PCCA: variants seen among roughly 807,000 people sequenced by gnomAD.
PCCA encodes propionyl-CoA carboxylase subunit alpha.
Under a neutral mutation model 101.3 loss-of-function variants are expected in PCCA, and 74 were observed. The observed-to-expected ratio is 0.73, with a 90% CI of 0.61 to 0.89. PCCA has a LOEUF of 0.89. Among genes scored for constraint, PCCA ranks in the 40% least tolerant of loss-of-function variants. The pLI is 0.00. For missense variants in PCCA, 891 were observed against 907.0 expected, an observed-to-expected ratio of 0.98 and a Z score of 0.23; for synonymous variants, 294 against 313.6, an observed-to-expected ratio of 0.94 and a Z score of 0.66.
In PCCA at chr13:100,089,132, C is replaced by G. The variant is rs759257021; in HGVS notation, c.12C>G (p.Phe4Leu). The G allele has an allele frequency of 1.3e-6, 2 of 1,506,174 alleles. No individual in the cohort carries two copies. The highest frequency in any genetic ancestry group is 1.4e-5 in the African/African-American group (1 of 70,012). 93.3% of individuals were successfully genotyped at this position (1,506,174 alleles called of 1,614,324 possible). Residue 4 changes from phenylalanine to leucine, a missense_variant, in exon 1 of 24, where the codon TTC becomes TTG. By Grantham distance (22) the Phe-to-Leu change is conservative. Coordinates refer to ENST00000376285, the MANE Select transcript of PCCA (RefSeq NM_000282.4). ...CTGCGGGGACAACAATGGCGGGGTT[C>G]TGGGTCGGGACAGCACCGCTGGTCG... MAG[F>L]WVGTAPLVAA...
intron 22 of PCCA, among the ~76,000 whole-genome samples, chr13:100,524,185 G>A (rs956473513): frequency 6.6e-6 from 1 of 152,222 alleles, no homozygotes; most frequent in African/African-American, 2.4e-5. Flanking sequence ...GCATTTTGCT[G>A]TTGTTGGAAG....
chr13:100,222,707 T>C (rs1051186717), intron 7 of PCCA, among the ~76,000 whole-genome samples: 1 of 152,248 alleles, frequency 6.6e-6, no homozygotes, highest in African/African-American at 2.4e-5. Context: ...TGTTTAGTGT[T>C]CTTTAAAATT....
rs909635109 is a variant in PCCA at position 100,193,542 on chromosome 13, A to G, written c.469-15790A>G. Among the ~76,000 whole-genome samples, 3 of 152,192 alleles carry G rather than the reference A, an allele frequency of 2.0e-5. No individual in the cohort carries two copies. The South Asian group carries it at 6.2e-4, about 32-fold the overall frequency. On this transcript the variant is annotated intron_variant, in intron 6 of 23. Transcript: ENST00000376285. ...ATACAGTGCTTTTAAATAGTATGAA[A>G]TAAGTAAATAAATATTGTAGTTTTT... is the stretch of plus-strand genomic sequence containing the variant.
chr13:100,460,029 C>T lies in PCCA; in HGVS notation c.1899+10724C>T, dbSNP rs150559340. On this transcript the variant is annotated intron_variant, in intron 21 of 23. Transcript: ENST00000376285. ...ACTGTCACATTGAGGGTTAGGCATT[C>T]AGCATATGAATTTGGACGTTCAGTC... Among the ~76,000 whole-genome samples, 863 of 152,328 alleles carry T rather than the reference C, an allele frequency of 5.7e-3. 6 individuals are homozygous for T. Among genetic ancestry groups the T allele is most frequent in the African/African-American group, 0.019 (806 of 41,562 alleles).
intron 4 of PCCA, among the ~76,000 whole-genome samples, chr13:100,115,776 G>A (rs898257851): frequency 2.6e-5 from 4 of 152,216 alleles, no homozygotes; most frequent in African/African-American, 7.2e-5. Context: ...AGCAGATGTG[G>A]TAGTTTTACA....
At position 100,215,415 on chromosome 13, in the gene PCCA, T is replaced by C. The variant is rs149495116; in HGVS notation, c.600+5952T>C. On this transcript the variant is annotated intron_variant, in intron 7 of 23. Transcript: ENST00000376285. ...GAAACAGATGATAAATAATAAAACA[T>C]ATGTTCTATGTTGAAACATAAGAGA... Among the ~76,000 whole-genome samples, 139 of 152,280 alleles carry C rather than the reference T, an allele frequency of 9.1e-4. 1 individual carries two copies. The highest frequency in any genetic ancestry group is 3.3e-3 in the African/African-American group (137 of 41,562).
chr13:100,451,101 T>A (rs2152927357), intron 21 of PCCA, among the ~76,000 whole-genome samples: 1 of 152,308 alleles, frequency 6.6e-6, no homozygotes, highest in Non-Finnish European at 1.5e-5. Context: ...GCTGAAGCCC[T>A]CCTTGCTTGG....
At chr13:100,272,440 G>C (rs2063364601) in intron 11 of PCCA, among the ~76,000 whole-genome samples, 1 of 152,064 alleles carries the variant, frequency 6.6e-6, no homozygotes. Flanking sequence ...ACTATAACAC[G>C]TGCCTGAGTA....
intron 19 of PCCA, among the ~76,000 whole-genome samples, chr13:100,410,674 G>T (rs937248069): frequency 6.6e-6 from 1 of 152,180 alleles, no homozygotes; most frequent in South Asian, 2.1e-4. Flanking sequence ...TTGCAGTCCT[G>T]TAAATTGATG....
chr13:100,358,773 G>A (rs1003792982), intron 18 of PCCA, among the ~76,000 whole-genome samples: 8 of 152,148 alleles, frequency 5.3e-5, no homozygotes, highest in African/African-American at 1.7e-4. Context: ...TGTAATGACC[G>A]TATGCATATG....
At chr13:100,476,950 G>A (rs187990375) in intron 21 of PCCA, among the ~76,000 whole-genome samples, 2 of 152,230 alleles carry the variant, frequency 1.3e-5, no homozygotes, top group East Asian at 1.9e-4. Context: ...TAGTTTTGTG[G>A]TATTAAATCT....
intron 19 of PCCA, among the ~76,000 whole-genome samples, chr13:100,424,481 C>T (rs2079015919): frequency 6.6e-6 from 1 of 152,182 alleles, no homozygotes; most frequent in Non-Finnish European, 1.5e-5. Context: ...TGCCCAGCCC[C>T]TCCCTCCAGC....
intron 4 of PCCA, among the ~76,000 whole-genome samples, chr13:100,143,551 TAAA>T (rs572832682): frequency 7.3e-6 from 1 of 136,506 alleles, no homozygotes; most frequent in African/African-American, 2.6e-5. Context: ...AAAAAAAAAA[TAAA>T]AAAAAAAAAT....
At chr13:100,160,052 T>G (rs1483944951) in intron 6 of PCCA, among the ~76,000 whole-genome samples, 1 of 152,242 alleles carries the variant, frequency 6.6e-6, no homozygotes, top group East Asian at 1.9e-4. Flanking sequence ...TGATTTTTTT[T>G]GCATAACTGC....
intron 21 of PCCA, chr13:100,480,302 CA>C (rs1484419553): frequency 6.6e-6 from 1 of 152,168 alleles, no homozygotes; most frequent in Non-Finnish European, 1.5e-5. Context: ...AGATCTCAAA[CA>C]AGGCACCTTC....
chr13:100,472,243 G>T (rs754414848), intron 21 of PCCA, among the ~76,000 whole-genome samples: 1 of 152,000 alleles, frequency 6.6e-6, no homozygotes, highest in South Asian at 2.1e-4. Context: ...CTTTTCCACC[G>T]CAAGCATGTT....
intron 12 of PCCA, among the ~76,000 whole-genome samples, chr13:100,286,086 G>C (rs183989994): frequency 8.6e-4 from 129 of 150,432 alleles, no homozygotes; most frequent in African/African-American, 2.8e-3. Context: ...GCATGTGTGT[G>C]GGGGGGAAGC....
intron 17 of PCCA, among the ~76,000 whole-genome samples, chr13:100,336,527 A>G (rs1362639156): frequency 6.6e-6 from 1 of 152,166 alleles, no homozygotes; most frequent in Non-Finnish European, 1.5e-5. Context: ...AGGAGATAAT[A>G]AACATTGTTT....
Position 100,491,690 on chromosome 13 carries a change from A to G in PCCA, c.1900-23737A>G, listed in dbSNP as rs1023730344. The G allele has an allele frequency of 2.1e-5, 28 of 1,303,978 alleles. No homozygotes were observed. The African/African-American group carries it at 4.1e-4, about 19-fold the overall frequency. The allele number at this position is 1,303,978 out of a possible 1,614,324, so 80.8% of individuals were successfully genotyped here. A position where few individuals can be genotyped will look rare whatever the true frequency, so the allele number is the denominator to read the frequency against. ...CTGGATTGACTGTGAGAAGCTTGGCAGAAGGTGCTGCGGCCTGGTGGCTGG... is the reference window on the plus strand; with the variant it reads ...CTGGATTGACTGTGAGAAGCTTGGCGGAAGGTGCTGCGGCCTGGTGGCTGG... On this transcript the variant is annotated intron_variant, in intron 21 of 23. Coordinates refer to ENST00000376285, the MANE Select transcript of PCCA (RefSeq NM_000282.4).
Sources: allele counts gnomAD v4.1 joint callset (sites outside exome capture counted in the v4.1 genomes callset), GRCh38; gene constraint gnomAD v4.1.1; transcripts MANE v1.5; gene names NCBI Gene and HGNC (gene_info 2026-07-23, HGNC 2026-07-21).